The following CSMD1 variants were observed in gnomAD, a reference collection of about 807,000 sequenced individuals.
The protein encoded by CSMD1 is CUB and Sushi multiple domains 1, also known as CUB and sushi domain-containing protein 1.
CSMD1 carries 213 observed loss-of-function variants against 417.5 expected under a neutral mutation model. The ratio of observed to expected loss-of-function variants is 0.51; its 90% CI spans 0.46 to 0.57. The LOEUF (loss-of-function observed/expected upper bound fraction) is 0.57, where lower values mean the gene tolerates loss of function less well. Ranked by LOEUF, CSMD1 falls within the 20% of genes least tolerant of loss-of-function variation. CSMD1 has a pLI of 0.00. For missense variants in CSMD1, 6,923 were observed against 4,529.7 expected (o/e 1.53, Z -15.17); for synonymous variants, 2,862 against 1,736.8 (o/e 1.65, Z -16.11).
chr8:4,732,156 A>T (rs1809923580), intron 1 of CSMD1, among the ~76,000 whole-genome samples: 1 of 152,018 alleles, frequency 6.6e-6, no homozygotes, highest in Non-Finnish European at 1.5e-5. Flanking sequence ...TGTTCCCAGG[A>T]CCCAGTGTGC....
intron 3 of CSMD1, among the ~76,000 whole-genome samples, chr8:4,221,247 A>G (rs1801012817): frequency 6.6e-6 from 1 of 152,178 alleles, no homozygotes; most frequent in Admixed American, 6.5e-5. Context: ...GAAATGTATG[A>G]AATGTATCAA....
intron 5 of CSMD1, among the ~76,000 whole-genome samples, chr8:3,840,134 G>A (rs902769418): frequency 6.6e-6 from 1 of 152,040 alleles, no homozygotes; most frequent in Non-Finnish European, 1.5e-5. Flanking sequence ...TGAACAGCTT[G>A]CTTCCTTTAT....
chr8:4,281,076 G>A (rs1365466179), intron 3 of CSMD1, among the ~76,000 whole-genome samples: 1 of 152,182 alleles, frequency 6.6e-6, no homozygotes, highest in African/African-American at 2.4e-5. Context: ...CCAAGGCAGA[G>A]GCTGCCCCAG....
intron 49 of CSMD1, among the ~76,000 whole-genome samples, chr8:3,059,204 AT>A (rs1378370977): frequency 6.6e-6 from 1 of 151,984 alleles, no homozygotes; most frequent in Non-Finnish European, 1.5e-5. Flanking sequence ...CTAAAAAAAA[AT>A]AAGGAAAAAT....
intron 40 of CSMD1, 105 bp downstream of exon 40, chr8:3,151,292 A>T (rs1819178127): frequency 1.4e-6 from 1 of 691,842 alleles, no homozygotes; most frequent in Admixed American, 2.5e-5. Context: ...TTTCAATTAC[A>T]GATACAGTTA....
chr8:4,017,892 G>C (rs1796599547), intron 4 of CSMD1, among the ~76,000 whole-genome samples: 1 of 152,076 alleles, frequency 6.6e-6, no homozygotes, highest in South Asian at 2.1e-4. Flanking sequence ...AAGGACTTAG[G>C]CTAATCATCA....
intron 59 of CSMD1, 30 bp downstream of exon 59, chr8:2,965,745 C>A: frequency 2.6e-6 from 4 of 1,567,242 alleles, no homozygotes; most frequent in Non-Finnish European, 3.5e-6. Flanking sequence ...CTATACACAT[C>A]TGTAAAATCC....
chr8:3,787,915 G>A (rs1422540800), intron 5 of CSMD1, among the ~76,000 whole-genome samples: 4 of 152,180 alleles, frequency 2.6e-5, no homozygotes, highest in African/African-American at 4.8e-5. Context: ...TTAAATCTCT[G>A]TAGTTGTGAG....
At chr8:3,576,554 T>C (rs1392920972) in intron 9 of CSMD1, among the ~76,000 whole-genome samples, 3 of 152,210 alleles carry the variant, frequency 2.0e-5, no homozygotes, top group Non-Finnish European at 4.4e-5. Flanking sequence ...ATTGACCTAT[T>C]CTACATTGAT....
At chr8:4,249,949 TATGA>T (rs1452799983) in intron 3 of CSMD1, among the ~76,000 whole-genome samples, 1 of 152,006 alleles carries the variant, frequency 6.6e-6, no homozygotes, top group Non-Finnish European at 1.5e-5. Context: ...GCTTTGCACT[TATGA>T]ATGAATTAAT....
intron 16 of CSMD1, among the ~76,000 whole-genome samples, chr8:3,398,186 C>T (rs1231655823): frequency 3.9e-5 from 6 of 152,060 alleles, no homozygotes; most frequent in South Asian, 4.1e-4. Flanking sequence ...AAATTTGATA[C>T]GCTGCTGGGA....
chr8:3,749,078 G>C (rs1584940847), intron 6 of CSMD1, among the ~76,000 whole-genome samples: 1 of 152,158 alleles, frequency 6.6e-6, no homozygotes, highest in African/African-American at 2.4e-5. Flanking sequence ...TTAGTAGTGA[G>C]GGGGCCCTCA....
intron 5 of CSMD1, among the ~76,000 whole-genome samples, chr8:3,892,454 A>T (rs1009300221): frequency 2.0e-5 from 3 of 152,132 alleles, no homozygotes; most frequent in South Asian, 4.1e-4. Context: ...ATAGCCCCTC[A>T]TTCATTCAGG....
chr8:4,115,919 T>G (rs1462672221), intron 3 of CSMD1, among the ~76,000 whole-genome samples: 1 of 151,964 alleles, frequency 6.6e-6, no homozygotes, highest in East Asian at 1.9e-4. Flanking sequence ...TGCCAGTGAC[T>G]GGGGGCAGGG....
intron 3 of CSMD1, among the ~76,000 whole-genome samples, chr8:4,196,289 G>T (rs983425916): frequency 7.9e-5 from 12 of 152,304 alleles, no homozygotes; most frequent in African/African-American, 2.6e-4. Context: ...TGAGTTTACA[G>T]AGCGCTCATT....
At position 3,439,134 on chromosome 8, in the gene CSMD1, AAAAAAAAAAAAAAAAAAACCAAG is replaced by A. The variant is rs1563390055; in HGVS notation, c.1562-29552_1562-29530del. 3.9e-5 allele frequency among the ~76,000 whole-genome samples: 5 copies of A among 126,784 alleles called. No individual in the cohort carries two copies. In the East Asian group the frequency reaches 1.2e-3, roughly 31 times the overall value. 83.2% of individuals were successfully genotyped at this position (126,784 alleles called of 152,430 possible). Reference sequence around the variant, plus strand: ...CAAGACTCCATCTCAAAAAAAAAAAAAAAAAAAAAAAAAAAAAACCAAGAAAAAAAAAAGAAAAAGAAAAAAAT... The same window carrying A: ...CAAGACTCCATCTCAAAAAAAAAAAAAAAAAAAAAAGAAAAAGAAAAAAAT... On this transcript the variant is annotated intron_variant, in intron 12 of 69. Coordinates refer to ENST00000635120, the MANE Select transcript of CSMD1 (RefSeq NM_033225.6).
chr8:4,222,895 GC>G (rs1184080430), intron 3 of CSMD1, among the ~76,000 whole-genome samples: 5 of 152,018 alleles, frequency 3.3e-5, no homozygotes, highest in African/African-American at 9.7e-5. Context: ...AAAACTATGG[GC>G]AAGTGAAAGT....
chr8:3,260,970 A>G (rs1180214435), intron 26 of CSMD1, among the ~76,000 whole-genome samples: 1 of 152,094 alleles, frequency 6.6e-6, no homozygotes, highest in Non-Finnish European at 1.5e-5. Context: ...ATAAAATCCC[A>G]TTAGAAAATG....
chr8:3,850,255 T>A (rs186036742), intron 5 of CSMD1, among the ~76,000 whole-genome samples: 40 of 152,356 alleles, frequency 2.6e-4, no homozygotes, highest in Non-Finnish European at 5.3e-4. Flanking sequence ...AATAGGTAAG[T>A]CCAAAGATAG....
Sources: allele counts gnomAD v4.1 joint callset (sites outside exome capture counted in the v4.1 genomes callset), GRCh38; gene constraint gnomAD v4.1.1; transcripts MANE v1.5; gene names NCBI Gene and HGNC (gene_info 2026-07-23, HGNC 2026-07-21).